DPP10: variants seen among roughly 807,000 people sequenced by gnomAD.
DPP10 encodes inactive dipeptidyl peptidase 10.
Under a neutral mutation model 120.9 loss-of-function variants are expected in DPP10, and 33 were observed. The ratio of observed to expected loss-of-function variants is 0.27; its 90% CI spans 0.21 to 0.37. DPP10 has a LOEUF of 0.37. DPP10 is among the 10% of genes least tolerant of loss of function. DPP10 has a pLI of 1.00. For missense variants in DPP10, 816 were observed against 942.8 expected, an observed-to-expected ratio of 0.87 and a Z score of 1.76; for synonymous variants, 337 against 326.1, an observed-to-expected ratio of 1.03 and a Z score of -0.36.
intron 2 of DPP10, among the ~76,000 whole-genome samples, chr2:115,340,746 A>T (rs754252010): frequency 6.6e-6 from 1 of 151,544 alleles, no homozygotes. Context: ...GCATGCATAT[A>T]AAAGAAATTT....
chr2:115,699,209 G>A (rs57663907), intron 7 of DPP10, among the ~76,000 whole-genome samples: 7,230 of 152,030 alleles, frequency 0.048, 582 homozygotes, highest in African/African-American at 0.17. Context: ...GCAAAACTTC[G>A]TAGTAGAGTC....
intron 9 of DPP10, among the ~76,000 whole-genome samples, chr2:115,745,600 T>C (rs1398610756): frequency 1.3e-5 from 2 of 150,410 alleles, no homozygotes; most frequent in Non-Finnish European, 2.9e-5. Context: ...TACATTACGG[T>C]TTTGGAATTT....
chr2:115,181,323 C>T (rs1027436479), intron 1 of DPP10, among the ~76,000 whole-genome samples: 4 of 152,122 alleles, frequency 2.6e-5, no homozygotes, highest in African/African-American at 9.7e-5. Flanking sequence ...TATTCGGTGG[C>T]TTAAAACAAC....
At chr2:115,686,451 A>G (rs1269319387) in intron 5 of DPP10, among the ~76,000 whole-genome samples, 1 of 152,074 alleles carries the variant, frequency 6.6e-6, no homozygotes, top group Non-Finnish European at 1.5e-5. Context: ...GGCTCACAGG[A>G]ACCTGATCCT....
At chr2:114,936,494 G>T (rs888944653) in intron 1 of DPP10, among the ~76,000 whole-genome samples, 1 of 151,484 alleles carries the variant, frequency 6.6e-6, no homozygotes, top group Non-Finnish European at 1.5e-5. Flanking sequence ...CTAGTTGATT[G>T]ATGGGCATTT....
intron 2 of DPP10, 93 bp from the exon 3 acceptor site, chr2:115,343,724 T>G (rs1257592108): frequency 2.6e-6 from 2 of 776,300 alleles, no homozygotes; most frequent in African/African-American, 3.5e-5. Context: ...GTAGTTAATA[T>G]ATTTTAGAGC....
chr2:115,430,986 G>A (rs2070922952), intron 3 of DPP10, among the ~76,000 whole-genome samples: 2 of 152,150 alleles, frequency 1.3e-5, no homozygotes, highest in African/African-American at 4.8e-5. Context: ...CAATCTGCAT[G>A]CAGTACTCTG....
At chr2:114,686,062 C>A (rs1699345636) in intron 1 of DPP10, among the ~76,000 whole-genome samples, 1 of 151,888 alleles carries the variant, frequency 6.6e-6, no homozygotes, top group African/African-American at 2.4e-5. Context: ...GCATGCTCTT[C>A]TGACCTGGAA....
At chr2:115,630,020 A>G (rs560252494) in intron 5 of DPP10, among the ~76,000 whole-genome samples, 1 of 152,124 alleles carries the variant, frequency 6.6e-6, no homozygotes, top group Non-Finnish European at 1.5e-5. Flanking sequence ...CATAATATTG[A>G]TTATACCTAT....
intron 10 of DPP10, among the ~76,000 whole-genome samples, chr2:115,751,230 T>C (rs1490282692): frequency 2.6e-5 from 4 of 152,208 alleles, no homozygotes; most frequent in East Asian, 3.9e-4. Flanking sequence ...CTAAATTCTC[T>C]AGAAAAATCT....
At chr2:115,498,963 T>C (rs914209015) in intron 3 of DPP10, among the ~76,000 whole-genome samples, 1 of 151,984 alleles carries the variant, frequency 6.6e-6, no homozygotes, top group East Asian at 1.9e-4. Context: ...TGAGCTGCAA[T>C]TGTGCAAGCC....
At chr2:115,550,849 C>T (rs2079828511) in intron 5 of DPP10, among the ~76,000 whole-genome samples, 1 of 152,080 alleles carries the variant, frequency 6.6e-6, no homozygotes, top group Non-Finnish European at 1.5e-5. Flanking sequence ...TTGTGTTTGT[C>T]TCCTTGTTTA....
chr2:115,345,770 C>G (rs1222548124), intron 3 of DPP10, among the ~76,000 whole-genome samples: 2 of 152,112 alleles, frequency 1.3e-5, no homozygotes, highest in Admixed American at 6.6e-5. Context: ...TAAATTAAAA[C>G]ATATTTCAAT....
chr2:115,168,597 C>A (rs768071777), intron 1 of DPP10, among the ~76,000 whole-genome samples: 4 of 152,070 alleles, frequency 2.6e-5, no homozygotes, highest in Non-Finnish European at 5.9e-5. Flanking sequence ...TTTATTTGTC[C>A]CTATCTAATA....
At chr2:114,865,703 A>C (rs1004421509) in intron 1 of DPP10, among the ~76,000 whole-genome samples, 4 of 152,190 alleles carry the variant, frequency 2.6e-5, no homozygotes, top group African/African-American at 9.7e-5. Flanking sequence ...TTTCTGCTAC[A>C]CTTATTTCTG....
intron 1 of DPP10, among the ~76,000 whole-genome samples, chr2:114,635,798 ATTTTTAATTTAT>A (rs922923002): frequency 6.6e-6 from 1 of 151,982 alleles, no homozygotes; most frequent in African/African-American, 2.4e-5. Flanking sequence ...TTTTAAAAAT[ATTTTTAATTTAT>A]TTAAAATAGC....
At chr2:115,457,728 C>A (rs571848973) in intron 3 of DPP10, among the ~76,000 whole-genome samples, 1 of 152,140 alleles carries the variant, frequency 6.6e-6, no homozygotes, top group South Asian at 2.1e-4. Context: ...GGTGGAAATA[C>A]AACACTTGGG....
intron 5 of DPP10, among the ~76,000 whole-genome samples, chr2:115,667,557 A>G (rs558792279): frequency 6.6e-6 from 1 of 152,126 alleles, no homozygotes; most frequent in South Asian, 2.1e-4. Context: ...TTCTTCTCCA[A>G]ATGTCTTGCC....
chr2:115,503,250 A>G (rs2076776810), intron 4 of DPP10, among the ~76,000 whole-genome samples: 1 of 152,166 alleles, frequency 6.6e-6, no homozygotes, highest in South Asian at 2.1e-4. Context: ...GGAAGAACCA[A>G]GGAAGATTCA....
Sources: gnomAD v4.1 joint callset for allele counts (sites outside exome capture counted in the v4.1 genomes callset) on GRCh38, gnomAD v4.1.1 for gene constraint, MANE v1.5 for transcripts, NCBI Gene and HGNC (gene_info 2026-07-23, HGNC 2026-07-21) for gene names.